ULK4: variants seen among roughly 807,000 people sequenced by gnomAD.
ULK4 encodes inactive serine/threonine-protein kinase ULK4.
Under a neutral mutation model 160.6 loss-of-function variants are expected in ULK4, and 133 were observed. The observed-to-expected ratio is 0.83, with a 90% confidence interval of 0.72 to 0.96. ULK4 has a LOEUF of 0.96. Ranked by LOEUF, ULK4 falls within the 40% of genes least tolerant of loss-of-function variation. The pLI is 0.00. For missense variants in ULK4, 1,580 were observed against 1,499.5 expected, an observed-to-expected ratio of 1.05 and a Z score of -0.89; for synonymous variants, 534 against 539.8, an observed-to-expected ratio of 0.99 and a Z score of 0.15.
At chr3:41,677,595 T>A (rs1255924844) in intron 29 of ULK4, among the ~76,000 whole-genome samples, 1 of 152,132 alleles carries the variant, frequency 6.6e-6, no homozygotes, top group Admixed American at 6.5e-5. Context: ...CCTCCCAAAG[T>A]GCTGGGATTA....
At chr3:41,954,515 A>G in intron 2 of ULK4, 107 bp downstream of exon 2, 1 of 1,301,924 alleles carries the variant, frequency 7.7e-7, no homozygotes, top group Non-Finnish European at 1.1e-6. Context: ...CAGACTGAAA[A>G]TGTGGCATTT....
chr3:41,672,980 G>C (rs1042977505), intron 29 of ULK4, among the ~76,000 whole-genome samples: 5 of 152,026 alleles, frequency 3.3e-5, no homozygotes, highest in African/African-American at 1.2e-4. Flanking sequence ...TAGGACTACA[G>C]GCACACATCA....
intron 29 of ULK4, among the ~76,000 whole-genome samples, chr3:41,677,999 T>C (rs938251534): frequency 1.3e-5 from 2 of 152,044 alleles, no homozygotes; most frequent in Non-Finnish European, 2.9e-5. Flanking sequence ...CACAGGTCTT[T>C]GCCTTTGAAC....
At chr3:41,686,926 A>G (rs978633553) in intron 27 of ULK4, among the ~76,000 whole-genome samples, 1 of 152,202 alleles carries the variant, frequency 6.6e-6, no homozygotes, top group Non-Finnish European at 1.5e-5. Context: ...ATTTAAAAAC[A>G]TCATTCTGAG....
At chr3:41,780,753 C>G (rs1305343523) in intron 21 of ULK4, among the ~76,000 whole-genome samples, 1 of 152,154 alleles carries the variant, frequency 6.6e-6, no homozygotes, top group African/African-American at 2.4e-5. Flanking sequence ...AACCCCAAAG[C>G]TATGGCTTTC....
In ULK4 at chr3:41,398,204, G is replaced by A. The variant is rs1372432834; in HGVS notation, c.3553C>T (p.Gln1185Ter). 1 of 1,613,318 alleles carries A rather than the reference G, an allele frequency of 6.2e-7. No individual in the cohort carries two copies. Among genetic ancestry groups the A allele is most frequent in the Admixed American group, 1.7e-5 (1 of 59,876 alleles). ...VSSKCLSILVQLYGGENPDSL... is the reference protein window; with the variant it reads ...VSSKCLSILV ...TCCGGGTTTTCCCCTCCATACAGCT[G>A]AACCAGTATAGACAGGCACTTGGAT... The change falls in exon 35 of 37, where the codon CAG becomes TAG. Residue 1185 changes from glutamine to a stop codon, truncating the protein, a stop_gained. Coordinates refer to ENST00000301831, the MANE Select transcript of ULK4 (RefSeq NM_017886.4). LOFTEE classifies it high-confidence loss of function.
intron 31 of ULK4, among the ~76,000 whole-genome samples, chr3:41,609,728 T>G (rs922182267): frequency 6.6e-6 from 1 of 152,172 alleles, no homozygotes; most frequent in Non-Finnish European, 1.5e-5. Flanking sequence ...TCCCAACACT[T>G]TGGAAGGCCA....
intron 34 of ULK4, among the ~76,000 whole-genome samples, chr3:41,448,950 A>G (rs2083365962): frequency 6.6e-6 from 1 of 152,142 alleles, no homozygotes; most frequent in African/African-American, 2.4e-5. Flanking sequence ...CAACGGCACC[A>G]TCTCAGCTCA....
At chr3:41,249,208 G>T (rs1459227553) in intron 36 of ULK4, among the ~76,000 whole-genome samples, 1 of 152,096 alleles carries the variant, frequency 6.6e-6, no homozygotes, top group African/African-American at 2.4e-5. Flanking sequence ...CCTCTTCAGG[G>T]GCCTCAAGGT....
At chr3:41,383,937 TA>T (rs1165420399) in intron 35 of ULK4, among the ~76,000 whole-genome samples, 1 of 152,196 alleles carries the variant, frequency 6.6e-6, no homozygotes, top group African/African-American at 2.4e-5. Flanking sequence ...GCATTAAAAT[TA>T]ACCACTTTGT....
intron 30 of ULK4, among the ~76,000 whole-genome samples, chr3:41,631,916 A>T (rs1321068355): frequency 6.6e-6 from 1 of 152,168 alleles, no homozygotes; most frequent in African/African-American, 2.4e-5. Flanking sequence ...CCTGCTACCC[A>T]GCTGAGGGCT....
At chr3:41,929,683 A>G (rs979080937) in intron 5 of ULK4, among the ~76,000 whole-genome samples, 2 of 152,154 alleles carry the variant, frequency 1.3e-5, no homozygotes, top group Non-Finnish European at 2.9e-5. Context: ...CAGCATTCCT[A>G]TACACCAATA....
In ULK4 at chr3:41,597,895, C is replaced by T. The variant is rs771802957; in HGVS notation, c.3120+17774G>A. 3.9e-5 allele frequency among the ~76,000 whole-genome samples: 6 copies of T among 152,264 alleles called. No homozygotes were observed. In the East Asian group the frequency reaches 5.8e-4, roughly 15 times the overall value. On this transcript the variant is annotated intron_variant, in intron 31 of 36. Coordinates refer to ENST00000301831, the MANE Select transcript of ULK4 (RefSeq NM_017886.4). ...CAACACGTGGAGAAAAGCAAAAAAA[C>T]GAAACCAAACTCCTAAGCATAGCAG... is the stretch of plus-strand genomic sequence containing the variant.
intron 35 of ULK4, among the ~76,000 whole-genome samples, chr3:41,330,094 C>T (rs1409441104): frequency 2.6e-5 from 4 of 152,306 alleles, no homozygotes; most frequent in Middle Eastern, 3.4e-3. Context: ...ATCCTGCTGT[C>T]GCTGAGCTTT....
Position 41,907,867 on chromosome 3 carries a change from T to A in ULK4, c.1160A>T (p.Gln387Leu), listed in dbSNP as rs774968257. 6.3e-7 allele frequency: 1 copy of A among 1,597,186 alleles called. No homozygotes were observed. The change falls in exon 12 of 37, where the codon CAG becomes CTG. Residue 387 changes from glutamine to leucine, a missense_variant. Gln to Leu is a moderately radical substitution (Grantham distance 113). Transcript: ENST00000301831. Reference sequence around the variant, plus strand: ...CACCTTGGTCAGAGGAGAAGTCTTCTGTGGTGAACAGTGAGTCATATCCTC... The same window carrying A: ...CACCTTGGTCAGAGGAGAAGTCTTCAGTGGTGAACAGTGAGTCATATCCTC... Reference protein sequence around the residue: ...PGEDMTHCSPQKTSPLTKITS... With the variant: ...PGEDMTHCSPLKTSPLTKITS...
chr3:41,810,596 C>T (rs1325547044), intron 19 of ULK4, among the ~76,000 whole-genome samples: 1 of 152,152 alleles, frequency 6.6e-6, no homozygotes, highest in Non-Finnish European at 1.5e-5. Context: ...AGGAGGATCG[C>T]TTGAGCTTAG....
intron 35 of ULK4, among the ~76,000 whole-genome samples, chr3:41,256,978 T>G (rs2078847742): frequency 6.6e-6 from 1 of 152,190 alleles, no homozygotes; most frequent in Non-Finnish European, 1.5e-5. Context: ...CTTGGCCTCT[T>G]GGTTCTCACC....
chr3:41,296,577 T>C (rs753183563), intron 35 of ULK4, among the ~76,000 whole-genome samples: 7 of 152,082 alleles, frequency 4.6e-5, no homozygotes, highest in Admixed American at 2.0e-4. Context: ...GGAAAAAGAA[T>C]TATTCCTGAG....
At chr3:41,784,916 T>C (rs73828267) in intron 21 of ULK4, among the ~76,000 whole-genome samples, 7,782 of 152,242 alleles carry the variant, frequency 0.051, 654 homozygotes, top group African/African-American at 0.17. Context: ...CAAATAACTA[T>C]GAAAACATGA....
Sources: allele counts gnomAD v4.1 joint callset (sites outside exome capture counted in the v4.1 genomes callset), GRCh38; gene constraint gnomAD v4.1.1; transcripts MANE v1.5; gene names NCBI Gene and HGNC (gene_info 2026-07-23, HGNC 2026-07-21).